The following CTBP1 variants were observed in gnomAD, a reference collection of about 807,000 sequenced individuals.
CTBP1 encodes the protein C-terminal-binding protein 1.
A neutral mutation model predicts 42.1 loss-of-function variants in CTBP1; 11 were observed. The ratio of observed to expected loss-of-function variants is 0.26; its 90% CI spans 0.16 to 0.43. CTBP1 has a LOEUF of 0.43. CTBP1 is among the 20% of genes least tolerant of loss of function. The pLI, the probability that CTBP1 is intolerant of heterozygous loss-of-function variation, is 1.00. For missense variants in CTBP1, 399 were observed against 624.3 expected (o/e 0.64, Z 3.85); for synonymous variants, 324 against 277.1 (o/e 1.17, Z -1.68).
At chr4:1,247,401 G>A (rs116625023) in intron 1 of CTBP1, among the ~76,000 whole-genome samples, 23 of 152,218 alleles carry the variant, frequency 1.5e-4, no homozygotes, top group African/African-American at 5.5e-4. Flanking sequence ...CTGCGGAGCC[G>A]ACAGCCCCAA....
chr4:1,218,728 T>C (rs1376573699), intron 5 of CTBP1: 2 of 152,218 alleles, frequency 1.3e-5, no homozygotes, highest in Non-Finnish European at 2.9e-5. Flanking sequence ...CAGGTTATGC[T>C]GGGTGGCAGT....
At chr4:1,242,119 A>G in intron 1 of CTBP1, 5 of 985,382 alleles carry the variant, frequency 5.1e-6, no homozygotes, top group Non-Finnish European at 6.0e-6. Context: ...AAAACTGCTC[A>G]GCTCTTCCTG....
intron 3 of CTBP1, chr4:1,237,530 A>T (rs1227166320): frequency 3.0e-6 from 2 of 676,870 alleles, no homozygotes; most frequent in Non-Finnish European, 5.4e-6. Flanking sequence ...GGCTTAGGAC[A>T]AACCCCGTGT....
chr4:1,241,971 C>T (rs1250873309), intron 1 of CTBP1: 8 of 1,015,460 alleles, frequency 7.9e-6, no homozygotes, highest in South Asian at 8.0e-5. Context: ...CAGGCAAGGA[C>T]GTGGAACTTC....
intron 4 of CTBP1, among the ~76,000 whole-genome samples, chr4:1,226,584 G>A (rs546151065): frequency 1.3e-5 from 2 of 150,450 alleles, no homozygotes; most frequent in South Asian, 4.4e-4. Flanking sequence ...AAGACCTCCT[G>A]AGGGTGGGCC....
In CTBP1 at chr4:1,243,980, C is replaced by G. The variant is rs993720937; in HGVS notation, c.-188-2461G>C. The G allele has an allele frequency of 5.1e-6, 5 of 985,162 alleles. No individual in the cohort carries two copies. The Admixed American group carries it at 3.1e-4, about 61-fold the overall frequency. 61.0% of individuals were successfully genotyped at this position (985,162 alleles called of 1,614,324 possible). On this transcript the variant is annotated intron_variant, in intron 1 of 9. Transcript: ENST00000382952. ...AGTGTAGAGCACATGGAAGCTTGTG[C>G]TTCCTATTTTCCTGTAAATCTAAGA...
Position 1,238,303 on chromosome 4 carries a change from G to A in CTBP1, c.42C>T (p.His14=), listed in dbSNP as rs748105191. Residue 14 remains histidine (H), a synonymous_variant, in exon 3 of 10, where the codon CAC becomes CAT. Coordinates refer to ENST00000382952, the MANE Select transcript of CTBP1 (RefSeq NM_001012614.2). This position sits in a 1 kb window ranked among gnomAD's most constrained non-coding sequence, Gnocchi z 5.9. ...VRPPIMNGPL[H]PRPLVALLDG... is the part of the protein sequence containing the mutation. ...CCAGCAATGCCACCAGGGGCCGCGG[G>A]TGCAGGGGCCCGTTCATGATCGGAG... is the stretch of plus-strand genomic sequence containing the variant. 6.3e-7 allele frequency: 1 copy of A among 1,591,776 alleles called. No homozygotes were observed. The highest frequency in any genetic ancestry group is 8.6e-7 in the Non-Finnish European group (1 of 1,165,000).
At position 1,212,999 on chromosome 4, in the gene CTBP1, G is replaced by A; in HGVS notation, c.1020C>T (p.Val340=). ...TGGCGGCTGTCAGATGGTCCTTGTT[G>A]ACACAGTTCTTCAGGCTGTCTGGGA... ...GRIPDSLKNC[V]NKDHLTAATH... Residue 340 remains valine, a synonymous_variant, in exon 9 of 10, where the codon GTC becomes GTT. Coordinates refer to ENST00000382952, the MANE Select transcript of CTBP1 (RefSeq NM_001012614.2). 1 of 1,613,956 alleles carries A rather than the reference G, an allele frequency of 6.2e-7. No homozygotes were observed. Among genetic ancestry groups the A allele is most frequent in the Non-Finnish European group, 8.5e-7 (1 of 1,179,982 alleles).
intron 5 of CTBP1, among the ~76,000 whole-genome samples, chr4:1,224,238 G>A (rs1295401464): frequency 5.3e-5 from 8 of 152,220 alleles, no homozygotes; most frequent in Admixed American, 5.2e-4. Flanking sequence ...ATATCCATGT[G>A]TGGTGCCCAT....
chr4:1,222,641 T>C (rs1199771592), intron 5 of CTBP1, among the ~76,000 whole-genome samples: 2 of 152,102 alleles, frequency 1.3e-5, no homozygotes, highest in Non-Finnish European at 1.5e-5. Flanking sequence ...GTGGGGTCCT[T>C]AACGAACGGG....
At chr4:1,212,484 G>A in intron 9 of CTBP1, 61 bp from the exon 10 acceptor site, 3 of 1,346,884 alleles carry the variant, frequency 2.2e-6, no homozygotes, top group Non-Finnish European at 9.7e-7. Context: ...GGCCCCACCT[G>A]CCCTCCTAGC....
chr4:1,212,458 G>A (rs776608699), intron 9 of CTBP1, 35 bp from the exon 10 acceptor site: 3 of 1,405,236 alleles, frequency 2.1e-6, no homozygotes, highest in Non-Finnish European at 9.2e-7. Context: ...AGGCCCACCT[G>A]TAGGCGGCCT....
intron 5 of CTBP1, among the ~76,000 whole-genome samples, chr4:1,221,303 G>C (rs1265694254): frequency 1.3e-5 from 2 of 152,212 alleles, no homozygotes; most frequent in Non-Finnish European, 2.9e-5. Context: ...GCAAGGATAC[G>C]CGGCTGCCGG....
intron 9 of CTBP1, 155 bp from the exon 10 acceptor site, chr4:1,212,578 G>A (rs1272264384): frequency 8.5e-6 from 6 of 708,758 alleles, no homozygotes; most frequent in Non-Finnish European, 1.3e-5. Flanking sequence ...TCCTGCCTAT[G>A]GCAGCTACTT....
rs895921251 is a variant in CTBP1, at chr4:1,212,037, C to T, written c.*203G>A. On this transcript the variant is annotated 3_prime_UTR_variant, in exon 10 of 10. Transcript: ENST00000382952. ...CTGACTTCTTCTGCTTAACGAGGAA[C>T]GCGAAGGACACAGGGCAGAGCGCCC... The T allele has an allele frequency of 4.5e-5, 18 of 403,692 alleles. No homozygotes were observed. The highest frequency in any genetic ancestry group is 3.2e-4 in the South Asian group (3 of 9,242). 25.0% of individuals were successfully genotyped at this position (403,692 alleles called of 1,614,324 possible). A position where few individuals can be genotyped will look rare whatever the true frequency, so the allele number is the denominator to read the frequency against.
rs1377774911 is a variant in CTBP1, at chr4:1,217,694, T to G, written c.515-1489A>C. On this transcript the variant is annotated intron_variant, in intron 5 of 9. Transcript: ENST00000382952. ...GCGGCTGTTCGGGGCGAGACCATTC[T>G]TCACTTCTGTCTCTGCCATTCTCTT... 1.3e-5 allele frequency: 2 copies of G among 152,246 alleles called. 1 individual carries two copies. Among genetic ancestry groups the G allele is most frequent in the Admixed American group, 1.3e-4 (2 of 15,288 alleles). 9.4% of individuals were successfully genotyped at this position (152,246 alleles called of 1,614,324 possible).
chr4:1,246,169 G>A (rs551177689), intron 1 of CTBP1, among the ~76,000 whole-genome samples: 2 of 152,136 alleles, frequency 1.3e-5, no homozygotes, highest in South Asian at 2.1e-4. Context: ...AGTGGGCTCC[G>A]GCCACTGCAG....
chr4:1,225,683 T>G, intron 4 of CTBP1, 117 bp from the exon 5 acceptor site: 1 of 1,156,390 alleles, frequency 8.6e-7, no homozygotes, highest in Non-Finnish European at 1.2e-6. Flanking sequence ...CCAAAGGCCG[T>G]GTCCCCAAGG....
At chr4:1,220,233 G>A (rs189551007) in intron 5 of CTBP1, among the ~76,000 whole-genome samples, 1 of 148,668 alleles carries the variant, frequency 6.7e-6, no homozygotes, top group East Asian at 2.0e-4. Context: ...AGAGATTGCA[G>A]TGTGCCGAAA....
Sources: allele counts gnomAD v4.1 joint callset (sites outside exome capture counted in the v4.1 genomes callset), GRCh38; gene constraint gnomAD v4.1.1; non-coding constraint Gnocchi (gnomAD v3.1); transcripts MANE v1.5; gene names NCBI Gene and HGNC (gene_info 2026-07-23, HGNC 2026-07-21).